Variants in DLC1 observed in about 807,000 individuals in gnomAD.
DLC1 encodes DLC1 Rho GTPase activating protein.
In DLC1, 54 loss-of-function variants were observed where a neutral mutation model predicts 140.3. The ratio of observed to expected loss-of-function variants is 0.38; its 90% confidence interval spans 0.31 to 0.48. DLC1 has a LOEUF of 0.48. Ranked by LOEUF, DLC1 falls within the 20% of genes least tolerant of loss-of-function variation. The probability of loss-of-function intolerance (pLI) is 0.96; values close to 1 mark genes in which losing one functional copy is unlikely to be tolerated. For missense variants in DLC1, 2,536 were observed against 1,907.0 expected (o/e 1.33, Z -6.14); for synonymous variants, 986 against 728.1 (o/e 1.35, Z -5.70).
At chr8:13,202,270 C>G (rs1018289814) in intron 5 of DLC1, among the ~76,000 whole-genome samples, 7 of 151,926 alleles carry the variant, frequency 4.6e-5, no homozygotes, top group African/African-American at 1.5e-4. Flanking sequence ...AAATTTAAAA[C>G]GTTTTAATAA....
chr8:13,437,540 T>A (rs1473088244), intron 2 of DLC1, among the ~76,000 whole-genome samples: 1 of 152,238 alleles, frequency 6.6e-6, no homozygotes, highest in Non-Finnish European at 1.5e-5. Context: ...TGTTTATGTC[T>A]TTCAACATAT....
chr8:13,104,889 T>C (rs1359569940), intron 7 of DLC1, among the ~76,000 whole-genome samples: 2 of 152,084 alleles, frequency 1.3e-5, no homozygotes, highest in African/African-American at 4.8e-5. Flanking sequence ...TTAAAATGAG[T>C]GGATATAAGG....
At chr8:13,389,717 C>G (rs933600523) in intron 4 of DLC1, among the ~76,000 whole-genome samples, 2 of 152,070 alleles carry the variant, frequency 1.3e-5, no homozygotes, top group African/African-American at 4.8e-5. Flanking sequence ...GAAAAATAGG[C>G]ACTTAGAAAC....
intron 1 of DLC1, among the ~76,000 whole-genome samples, chr8:13,580,360 A>T (rs574720892): frequency 6.6e-6 from 1 of 152,124 alleles, no homozygotes; most frequent in Non-Finnish European, 1.5e-5. Context: ...TGACCTCGTG[A>T]TCTGCCCGCG....
intron 4 of DLC1, among the ~76,000 whole-genome samples, chr8:13,380,324 A>T (rs149184356): frequency 0.011 from 1,654 of 152,262 alleles, 32 homozygotes; most frequent in African/African-American, 0.037. Context: ...GTTCAAATTT[A>T]TTTGTATTTG....
intron 5 of DLC1, among the ~76,000 whole-genome samples, chr8:13,281,286 A>T (rs1375538349): frequency 6.6e-6 from 1 of 152,204 alleles, no homozygotes; most frequent in African/African-American, 2.4e-5. Flanking sequence ...CTTCTTTGTG[A>T]TAAACTCTAT....
chr8:13,399,040 A>G (rs1467193908), intron 3 of DLC1, among the ~76,000 whole-genome samples: 1 of 152,196 alleles, frequency 6.6e-6, no homozygotes, highest in Non-Finnish European at 1.5e-5. Context: ...AAGATACTGC[A>G]GAACAGCAGG....
chr8:13,463,433 T>C (rs1306466304), intron 2 of DLC1, among the ~76,000 whole-genome samples: 1 of 152,216 alleles, frequency 6.6e-6, no homozygotes, highest in Non-Finnish European at 1.5e-5. Flanking sequence ...ATTTAAGGAA[T>C]AAATATACCT....
rs931284223 is a variant in DLC1, at chr8:13,382,465, G to A, written c.1314+11088C>T. Among the ~76,000 whole-genome samples the A allele has an allele frequency of 1.4e-4, 17 of 123,934 alleles. 1 individual carries two copies. In the East Asian group the frequency reaches 2.1e-3, roughly 15 times the overall value. The allele number at this position is 123,934 out of a possible 152,430, so 81.3% of individuals were successfully genotyped here. ...GGAGCCTGCAGTGAGCCGAGATTGC[G>A]CCACTGCACTCCAGCCTGGGCGACA... is the stretch of plus-strand genomic sequence containing the variant. On this transcript the variant is annotated intron_variant, in intron 4 of 17. Transcript: ENST00000276297.
chr8:13,280,839 C>G (rs957205328), intron 5 of DLC1, among the ~76,000 whole-genome samples: 2 of 152,142 alleles, frequency 1.3e-5, no homozygotes, highest in Non-Finnish European at 2.9e-5. Context: ...GAGTTAATAC[C>G]GTGTTTGGAT....
At chr8:13,239,846 G>A (rs1322749276) in intron 5 of DLC1, among the ~76,000 whole-genome samples, 2 of 152,142 alleles carry the variant, frequency 1.3e-5, no homozygotes, top group Admixed American at 6.5e-5. Flanking sequence ...AAACAACAAA[G>A]CAATTTACAA....
chr8:13,514,259 G>A lies in DLC1; in HGVS notation c.-126+343C>T, dbSNP rs28551717. 3.8e-3 allele frequency among the ~76,000 whole-genome samples: 573 copies of A among 152,274 alleles called. 2 individuals carry two copies. Among genetic ancestry groups the A allele is most frequent in the African/African-American group, 0.013 (547 of 41,548 alleles). ...GAATTCATTTACACCTCACACTGAT[G>A]TGTGAGAAAATGTATTTGTTTCACG... On this transcript the variant is annotated intron_variant, in intron 1 of 17. Transcript: ENST00000276297.
At chr8:13,193,116 T>C (rs1335665930) in intron 5 of DLC1, among the ~76,000 whole-genome samples, 1 of 152,210 alleles carries the variant, frequency 6.6e-6, no homozygotes. Flanking sequence ...AAGTCTTCCT[T>C]ATGGAGAGAC....
chr8:13,141,840 T>TG (rs971657021), intron 5 of DLC1, among the ~76,000 whole-genome samples: 1 of 152,192 alleles, frequency 6.6e-6, no homozygotes, highest in African/African-American at 2.4e-5. Flanking sequence ...AGCTGGACTT[T>TG]GGGGGAACTG....
intron 5 of DLC1, among the ~76,000 whole-genome samples, chr8:13,252,081 C>G (rs766005250): frequency 5.3e-5 from 8 of 152,084 alleles, no homozygotes; most frequent in Non-Finnish European, 7.3e-5. Context: ...TGATTATTGA[C>G]TGGATATGGA....
intron 5 of DLC1, among the ~76,000 whole-genome samples, chr8:13,189,159 G>A (rs982547981): frequency 1.3e-5 from 2 of 152,020 alleles, no homozygotes; most frequent in East Asian, 3.9e-4. Flanking sequence ...CTCTCTCTGC[G>A]GAAAGCTTTT....
At chr8:13,538,307 T>G (rs1056709832) in intron 1 of DLC1, among the ~76,000 whole-genome samples, 1 of 151,938 alleles carries the variant, frequency 6.6e-6, no homozygotes, top group African/African-American at 2.4e-5. Flanking sequence ...AACTTTCGTG[T>G]AAATGGGAAA....
chr8:13,151,248 A>G (rs1410976519), intron 5 of DLC1, among the ~76,000 whole-genome samples: 6 of 152,250 alleles, frequency 3.9e-5, no homozygotes, highest in Non-Finnish European at 5.9e-5. Context: ...AATTTAATGA[A>G]TTACCAGTAA....
At chr8:13,239,258 A>G (rs987241774) in intron 5 of DLC1, among the ~76,000 whole-genome samples, 4 of 152,168 alleles carry the variant, frequency 2.6e-5, no homozygotes, top group Admixed American at 6.5e-5. Context: ...GCTTGACTGT[A>G]TATCACATAG....
Sources: gnomAD v4.1 joint callset for allele counts (sites outside exome capture counted in the v4.1 genomes callset) on GRCh38, gnomAD v4.1.1 for gene constraint, MANE v1.5 for transcripts, NCBI Gene and HGNC (gene_info 2026-07-23, HGNC 2026-07-21) for gene names.